Variants in INAVA observed in about 807,000 individuals in gnomAD.
INAVA encodes the protein innate immunity activator protein.
INAVA carries 32 observed loss-of-function variants against 55.3 expected under a neutral mutation model. The ratio of observed to expected loss-of-function variants is 0.58; its 90% CI spans 0.44 to 0.78. The LOEUF is 0.78. Among genes scored for constraint, INAVA ranks in the 30% least tolerant of loss-of-function variants. INAVA has a pLI of 0.00. For synonymous variants in INAVA, 294 were observed against 329.4 expected (o/e 0.89, Z 1.16); for missense variants, 756 against 786.4 (o/e 0.96, Z 0.46).
Position 200,897,361 on chromosome 1 carries a change from T to C in INAVA, c.-94-946T>C, listed in dbSNP as rs73086695. On this transcript the variant is annotated intron_variant, in intron 1 of 9. Coordinates refer to ENST00000413687, the MANE Select transcript of INAVA (RefSeq NM_001142569.3). ...CCCTTCAGTGGTCTCCCAGGAGTAATTGATGGCTTGAAAGTTGTTTGAGGG... is the reference window on the plus strand; with the variant it reads ...CCCTTCAGTGGTCTCCCAGGAGTAACTGATGGCTTGAAAGTTGTTTGAGGG... 3.8e-3 allele frequency among the ~76,000 whole-genome samples: 572 copies of C among 152,266 alleles called. 4 individuals are homozygous for C. Among genetic ancestry groups the C allele is most frequent in the African/African-American group, 0.013 (548 of 41,560 alleles).
chr1:200,900,283 C>A, intron 4 of INAVA, 63 bp downstream of exon 4: 1 of 1,411,280 alleles, frequency 7.1e-7, no homozygotes, highest in Non-Finnish European at 1.0e-6. Context: ...TGAGACGCCA[C>A]ACCTCAGCTC....
chr1:200,898,366 C>T lies in INAVA; in HGVS notation c.-35C>T. ...CCAGGCTGGTCACGGTGTCCCCCCT[C>T]CCTGCTCTGTGCCCTCTCCTTCCAG... is the stretch of plus-strand genomic sequence containing the variant. On this transcript the variant is annotated 5_prime_UTR_variant, in exon 2 of 10. Transcript: ENST00000413687. The T allele has an allele frequency of 6.2e-7, 1 of 1,614,152 alleles. No individual in the cohort carries two copies. The highest frequency in any genetic ancestry group is 8.5e-7 in the Non-Finnish European group (1 of 1,180,028).
At position 200,908,863 on chromosome 1, in the gene INAVA, C is replaced by T. The variant is rs763074142; in HGVS notation, c.708C>T (p.Asn236=). The T allele has an allele frequency of 1.4e-5, 23 of 1,613,948 alleles. No homozygotes were observed. In the Admixed American group the frequency reaches 3.7e-4, roughly 26 times the overall value. Residue 236 remains asparagine, a synonymous_variant, in exon 7 of 10, where the codon AAC becomes AAT. Transcript: ENST00000413687. The part of the protein sequence containing the change: ...AGSPERAPVQ[N]SPWKETSLDH... ...GCCCAGAACGGGCTCCAGTCCAGAA[C>T]AGCCCCTGGAAGGAAACCAGCCTGG... is the stretch of plus-strand genomic sequence containing the variant.
chr1:200,907,094 G>A (rs1653523548), intron 5 of INAVA, among the ~76,000 whole-genome samples: 1 of 151,994 alleles, frequency 6.6e-6, no homozygotes, highest in Admixed American at 6.6e-5. Flanking sequence ...TAAAATGCTG[G>A]GATTACAGGC....
rs908893259 is a variant in INAVA, at chr1:200,914,017, G to T, written c.*388G>T. The T allele has an allele frequency of 9.1e-5, 17 of 187,564 alleles. No homozygotes were observed. In the Admixed American group the frequency reaches 9.2e-4, roughly 10 times the overall value. 11.6% of individuals were successfully genotyped at this position (187,564 alleles called of 1,614,324 possible). A position where few individuals can be genotyped will look rare whatever the true frequency, so the allele number is the denominator to read the frequency against. ...GTTCTAAGAAATTCCCTGGGGAACT[G>T]CCCCTGGCCCTCCTGTCCCACTATT... On this transcript the variant is annotated 3_prime_UTR_variant, in exon 10 of 10. Coordinates refer to ENST00000413687, the MANE Select transcript of INAVA (RefSeq NM_001142569.3).
intron 5 of INAVA, among the ~76,000 whole-genome samples, chr1:200,905,169 G>A (rs1190213859): frequency 1.3e-5 from 2 of 152,216 alleles, no homozygotes; most frequent in African/African-American, 4.8e-5. Context: ...TGGGCTGGCT[G>A]GCTACTCAGG....
intron 4 of INAVA, 151 bp from the exon 5 acceptor site, chr1:200,900,786 C>A: frequency 1.7e-6 from 1 of 577,332 alleles, no homozygotes; most frequent in Admixed American, 3.4e-5. Flanking sequence ...ACCCTCTGCT[C>A]CACGTCCGTC....
rs772051495 is a variant in INAVA at position 200,911,505 on chromosome 1, C to T, written c.1012C>T (p.Arg338Cys). ...GGGCCGAGGTCGCAGCGCCTTTCCC[C>T]GCCGCCGCCCCACTCACTACACGGT... ...PEGRGRSAFP[R>C]RRPTHYTVTV... The change falls in exon 9 of 10, where the codon CGC (arginine) becomes TGC (cysteine). Residue 338 changes from arginine to cysteine, a missense_variant. Coordinates refer to ENST00000413687, the MANE Select transcript of INAVA (RefSeq NM_001142569.3). 14 of 1,613,612 alleles carry T rather than the reference C, an allele frequency of 8.7e-6. No individual in the cohort carries two copies. The highest frequency in any genetic ancestry group is 2.2e-5 in the South Asian group (2 of 91,052).
intron 2 of INAVA, 114 bp from the exon 3 acceptor site, chr1:200,899,357 ATG>A (rs138282802): frequency 2.6e-3 from 3,320 of 1,286,952 alleles, no homozygotes; most frequent in South Asian, 4.8e-3. Context: ...CAGGCATGAG[ATG>A]TGTGTGTGTG....
At chr1:200,900,070 G>T in intron 3 of INAVA, 34 bp from the exon 4 acceptor site, 1 of 1,568,472 alleles carries the variant, frequency 6.4e-7, no homozygotes, top group South Asian at 1.1e-5. Flanking sequence ...TGGGCAGGTG[G>T]AGAGGACCTG....
intron 8 of INAVA, 79 bp downstream of exon 8, chr1:200,909,476 G>A (rs575725282): frequency 1.5e-6 from 2 of 1,306,260 alleles, no homozygotes; most frequent in Admixed American, 2.9e-5. Context: ...CAGGACACAG[G>A]TGGGACAACC....
intron 8 of INAVA, 31 bp downstream of exon 8, chr1:200,909,428 G>T: frequency 6.5e-7 from 1 of 1,528,336 alleles, no homozygotes; most frequent in South Asian, 1.3e-5. Flanking sequence ...AGAGATGGGG[G>T]ACCCACTTAG....
rs776459569 is a variant in INAVA, at chr1:200,899,322, C to T, written c.56-151C>T. On this transcript the variant is annotated intron_variant, in intron 2 of 9. Coordinates refer to ENST00000413687, the MANE Select transcript of INAVA (RefSeq NM_001142569.3). ...TGTTTTGTGGCTGTGACACAGGCCA[C>T]AGCAGCCAGCCTGCAATTTGTGGGC... The T allele has an allele frequency of 4.3e-4, 517 of 1,189,546 alleles. 2 individuals carry two copies. The highest frequency in any genetic ancestry group is 5.8e-4 in the Non-Finnish European group (490 of 842,232). 73.7% of individuals were successfully genotyped at this position (1,189,546 alleles called of 1,614,324 possible).
Position 200,913,583 on chromosome 1 carries a change from T to G in INAVA, c.1691T>G (p.Val564Gly), listed in dbSNP as rs1653835920. The change falls in exon 10 of 10, where the codon GTG becomes GGG. Residue 564 changes from valine (V) to glycine (G), a missense_variant. Val to Gly is a moderately radical substitution (Grantham distance 109). Coordinates refer to ENST00000413687, the MANE Select transcript of INAVA (RefSeq NM_001142569.3). ...CGGAGATCGCCTGATGGGGCCCCTG[T>G]GCAAGTCTTTGTACCTGAAAAAGGA... ...VLRRSPDGAPVQVFVPEKGEI... is the reference protein window; with the variant it reads ...VLRRSPDGAPGQVFVPEKGEI... 2 of 1,614,064 alleles carry G rather than the reference T, an allele frequency of 1.2e-6. No individual in the cohort carries two copies. The highest frequency in any genetic ancestry group is 1.7e-6 in the Non-Finnish European group (2 of 1,179,984).
rs781761201 is a variant in INAVA at position 200,909,197 on chromosome 1, A to G, written c.786-27A>G. Reference sequence around the variant, plus strand: ...GCCCCTGAATGGAGGCATTCCTGCCACTGACCTGTCTCTAATCCTTTTGCA... The same window carrying G: ...GCCCCTGAATGGAGGCATTCCTGCCGCTGACCTGTCTCTAATCCTTTTGCA... On this transcript the variant is annotated intron_variant, in intron 7 of 9. Coordinates refer to ENST00000413687, the MANE Select transcript of INAVA (RefSeq NM_001142569.3). 29 of 1,487,504 alleles carry G rather than the reference A, an allele frequency of 1.9e-5. No individual in the cohort carries two copies. In the South Asian group the frequency reaches 3.6e-4, roughly 18 times the overall value. The allele number at this position is 1,487,504 out of a possible 1,614,324, so 92.1% of individuals were successfully genotyped here.
Position 200,914,752 on chromosome 1 carries a change from T to C in INAVA, c.*1123T>C, listed in dbSNP as rs1653879093. ...AGGCATGAGCCACCGCACCTGGCCC[T>C]TCTAACGTTTTTTCATCATAGTCCC... On this transcript the variant is annotated 3_prime_UTR_variant, in exon 10 of 10. Coordinates refer to ENST00000413687, the MANE Select transcript of INAVA (RefSeq NM_001142569.3). 1 of 104,846 alleles carries C rather than the reference T, an allele frequency of 9.5e-6. No homozygotes were observed. The highest frequency in any genetic ancestry group is 1.9e-5 in the Non-Finnish European group (1 of 51,770). The allele number at this position is 104,846 out of a possible 1,614,324, so 6.5% of individuals were successfully genotyped here. A position where few individuals can be genotyped will look rare whatever the true frequency, so the allele number is the denominator to read the frequency against.
Position 200,911,687 on chromosome 1 carries a change from C to G in INAVA, c.1194C>G (p.Leu398=). Residue 398 remains leucine (L), a synonymous_variant, in exon 9 of 10, where the codon CTC becomes CTG. Coordinates refer to ENST00000413687, the MANE Select transcript of INAVA (RefSeq NM_001142569.3). ...SSPDISFLQP[L]SPPKTHRHRG... ...CCGACATCTCCTTTCTGCAGCCTCT[C>G]TCCCCTCCCAAGACCCATCGTCACC... The G allele has an allele frequency of 1.2e-6, 2 of 1,614,010 alleles. No homozygotes were observed. The highest frequency in any genetic ancestry group is 1.6e-4 in the Middle Eastern group (1 of 6,062).
chr1:200,912,036 A>T lies in INAVA; in HGVS notation c.1543A>T (p.Ser515Cys). 2 of 1,543,998 alleles carry T rather than the reference A, an allele frequency of 1.3e-6. No homozygotes were observed. The highest frequency in any genetic ancestry group is 1.7e-6 in the Non-Finnish European group (2 of 1,146,316). ...GTGGCACGAGCGTGCACGCCTCCGG[A>T]GCACCCGCCCCCACTCACTGGACCG... Reference protein sequence around the residue: ...KWWHERARLRSTRPHSLDRQG... With the variant: ...KWWHERARLRCTRPHSLDRQG... Residue 515 changes from serine (S) to cysteine (C), a missense_variant, in exon 9 of 10, where the codon AGC becomes TGC. Coordinates refer to ENST00000413687, the MANE Select transcript of INAVA (RefSeq NM_001142569.3).
chr1:200,908,971 G>A, intron 7 of INAVA, 31 bp downstream of exon 7: 1 of 1,595,292 alleles, frequency 6.3e-7, no homozygotes, highest in Non-Finnish European at 8.5e-7. Flanking sequence ...AGAAGGGCAG[G>A]GCAGGGCAGG....
Sources: allele counts gnomAD v4.1 joint callset (sites outside exome capture counted in the v4.1 genomes callset), GRCh38; gene constraint gnomAD v4.1.1; transcripts MANE v1.5; gene names NCBI Gene and HGNC (gene_info 2026-07-23, HGNC 2026-07-21).